The following KLHL3 variants were observed in gnomAD, a reference collection of about 807,000 sequenced individuals.
KLHL3 encodes the protein kelch like family member 3, also known as kelch-like protein 3.
KLHL3 carries 19 observed loss-of-function variants against 70.5 expected under a neutral mutation model. That is an observed-to-expected ratio of 0.27 (90% confidence interval 0.19 to 0.40). The LOEUF (loss-of-function observed/expected upper bound fraction) is 0.40. Among genes scored for constraint, KLHL3 ranks in the 10% least tolerant of loss-of-function variants. The probability of loss-of-function intolerance (pLI) is 1.00; values close to 1 mark genes in which losing one functional copy is unlikely to be tolerated. For synonymous variants in KLHL3, 258 were observed against 290.3 expected (o/e 0.89, Z 1.13); for missense variants, 512 against 771.1 (o/e 0.66, Z 3.98).
At chr5:137,628,012 G>C (rs944872562) in intron 13 of KLHL3, 1 of 376,998 alleles carries the variant, frequency 2.7e-6, no homozygotes, top group Non-Finnish European at 4.9e-6. Flanking sequence ...GGCAACCAGA[G>C]GACTTTCCCA....
intron 6 of KLHL3, among the ~76,000 whole-genome samples, chr5:137,674,691 T>A (rs55802511): frequency 0.021 from 3,258 of 152,336 alleles, 68 homozygotes; most frequent in Non-Finnish European, 0.03. Flanking sequence ...TTTCTGCAAC[T>A]GTTAACATTA....
intron 6 of KLHL3, among the ~76,000 whole-genome samples, chr5:137,669,983 C>A (rs990738296): frequency 2.6e-5 from 4 of 152,042 alleles, no homozygotes; most frequent in African/African-American, 9.7e-5. Context: ...GACAGATTTG[C>A]CCCAGCTGTA....
At chr5:137,685,471 A>G (rs1350385889) in intron 5 of KLHL3, among the ~76,000 whole-genome samples, 1 of 152,258 alleles carries the variant, frequency 6.6e-6, no homozygotes, top group Non-Finnish European at 1.5e-5. Context: ...AGCATAATAT[A>G]TAAATTCTGT....
rs1212728327 is a variant in KLHL3, at chr5:137,634,070, C to T, written c.1417G>A (p.Val473Met). 6.2e-6 allele frequency: 10 copies of T among 1,614,094 alleles called. No homozygotes were observed. Among genetic ancestry groups the T allele is most frequent in the African/African-American group, 2.7e-5 (2 of 74,938 alleles). Reference protein sequence around the residue: ...YNPATNEWIYVADMSTRRSGA... With the variant: ...YNPATNEWIYMADMSTRRSGA... ...CTGCGGCGGGTGCTCATGTCCGCCA[C>T]GTATATCCATTCATTGGTCGCTGGG... The change falls in exon 12 of 15, where the codon GTG becomes ATG. Residue 473 changes from valine to methionine, a missense_variant. Physicochemically the swap from Val to Met is conservative, Grantham distance 21 (BLOSUM62 1). Transcript: ENST00000309755.
chr5:137,709,718 A>G, intron 3 of KLHL3, 32 bp downstream of exon 3: 1 of 1,540,474 alleles, frequency 6.5e-7, no homozygotes, highest in Non-Finnish European at 9.0e-7. Flanking sequence ...GCAGCCCCAT[A>G]ACCATGGGTT....
At chr5:137,718,374 C>A (rs1459149495) in intron 2 of KLHL3, among the ~76,000 whole-genome samples, 1 of 152,040 alleles carries the variant, frequency 6.6e-6, no homozygotes, top group African/African-American at 2.4e-5. Flanking sequence ...GGCTCATGGC[C>A]ATAATCCCAA....
intron 3 of KLHL3, among the ~76,000 whole-genome samples, chr5:137,701,128 G>A (rs1338598552): frequency 6.6e-6 from 1 of 151,988 alleles, no homozygotes; most frequent in African/African-American, 2.4e-5. Flanking sequence ...TGCCTCCCGT[G>A]TTCAAGTGAT....
At chr5:137,667,972 G>C (rs1751653892) in intron 6 of KLHL3, among the ~76,000 whole-genome samples, 1 of 151,676 alleles carries the variant, frequency 6.6e-6, no homozygotes, top group African/African-American at 2.4e-5. Context: ...TTACAGATGA[G>C]GAAACAGCCT....
At chr5:137,640,067 G>A (rs1750874343) in intron 8 of KLHL3, 90 bp from the exon 9 acceptor site, 4 of 1,060,350 alleles carry the variant, frequency 3.8e-6, no homozygotes, top group Non-Finnish European at 5.8e-6. Flanking sequence ...ATCGCCCAGG[G>A]TGTGTGGATG....
chr5:137,626,596 C>T (rs1750467503), intron 13 of KLHL3, among the ~76,000 whole-genome samples: 1 of 152,142 alleles, frequency 6.6e-6, no homozygotes, highest in Non-Finnish European at 1.5e-5. Context: ...TGGTGATACT[C>T]TAAAAAGTAG....
intron 1 of KLHL3, among the ~76,000 whole-genome samples, chr5:137,732,850 T>A (rs932107251): frequency 1.4e-4 from 22 of 152,092 alleles, no homozygotes; most frequent in Admixed American, 1.3e-3. Flanking sequence ...CTGTTATTAT[T>A]CCCTTTACAC....
At chr5:137,721,751 C>T (rs1472892610) in intron 1 of KLHL3, among the ~76,000 whole-genome samples, 1 of 152,172 alleles carries the variant, frequency 6.6e-6, no homozygotes, top group African/African-American at 2.4e-5. Flanking sequence ...TGCCATTGCA[C>T]CCCAGCCTGG....
chr5:137,680,747 T>A, intron 5 of KLHL3, among the ~76,000 whole-genome samples: 1 of 152,080 alleles, frequency 6.6e-6, no homozygotes, highest in Non-Finnish European at 1.5e-5. Flanking sequence ...TTTCACCATG[T>A]TGGTCAGGCT....
At chr5:137,710,804 C>T (rs1752778368) in intron 2 of KLHL3, among the ~76,000 whole-genome samples, 1 of 152,134 alleles carries the variant, frequency 6.6e-6, no homozygotes, top group Non-Finnish European at 1.5e-5. Flanking sequence ...TTACTTCATC[C>T]TCTCTACCAC....
In KLHL3 at chr5:137,639,584, C is replaced by T. The variant is rs1223077834; in HGVS notation, c.1021+276G>A. Among the ~76,000 whole-genome samples the T allele has an allele frequency of 6.6e-6, 1 of 151,932 alleles. No homozygotes were observed. Among genetic ancestry groups the T allele is most frequent in the South Asian group, 2.1e-4 (1 of 4,816 alleles). Reference sequence around the variant, plus strand: ...TGGTGCACGCCTGTAATCCCAGCTACTTGGAAGGCTGAGGTGAGAGAATCA... The same window carrying T: ...TGGTGCACGCCTGTAATCCCAGCTATTTGGAAGGCTGAGGTGAGAGAATCA... On this transcript the variant is annotated intron_variant, in intron 9 of 14. Transcript: ENST00000309755. This position sits in a 1 kb window ranked among gnomAD's most constrained non-coding sequence, Gnocchi z 5.0.
chr5:137,663,056 CTTTTTT>C (rs139890036), intron 6 of KLHL3, among the ~76,000 whole-genome samples: 2 of 77,928 alleles, frequency 2.6e-5, no homozygotes, highest in Non-Finnish European at 4.6e-5. Flanking sequence ...AGCACTCGTT[CTTTTTT>C]TTTTTTTTTT....
At chr5:137,705,483 A>G (rs976521340) in intron 3 of KLHL3, among the ~76,000 whole-genome samples, 1 of 152,190 alleles carries the variant, frequency 6.6e-6, no homozygotes, top group Non-Finnish European at 1.5e-5. Context: ...AAAGATACCA[A>G]ACATCAGCCT....
At chr5:137,694,918 G>A (rs868106309) in intron 4 of KLHL3, among the ~76,000 whole-genome samples, 2 of 152,074 alleles carry the variant, frequency 1.3e-5, no homozygotes, top group Admixed American at 6.5e-5. Flanking sequence ...GGCCAGATGT[G>A]AGAAGAGGCA....
At chr5:137,623,644 C>A (rs540481616) in intron 14 of KLHL3, among the ~76,000 whole-genome samples, 2 of 152,306 alleles carry the variant, frequency 1.3e-5, no homozygotes, top group African/African-American at 4.8e-5. Context: ...AAGAAAACCA[C>A]CACTGTCTTT....
Sources: gnomAD v4.1 joint callset for allele counts (sites outside exome capture counted in the v4.1 genomes callset) on GRCh38, gnomAD v4.1.1 for gene constraint, Gnocchi (gnomAD v3.1) non-coding constraint, MANE v1.5 for transcripts, NCBI Gene and HGNC (gene_info 2026-07-23, HGNC 2026-07-21) for gene names.